The following MANBA variants were observed in gnomAD, a reference collection of about 807,000 sequenced individuals.
MANBA encodes the protein mannosidase beta, also known as beta-mannosidase.
In MANBA, 83 loss-of-function variants were observed where a neutral mutation model predicts 111.1. The ratio of observed to expected loss-of-function variants is 0.75; its 90% confidence interval spans 0.63 to 0.90. The LOEUF (loss-of-function observed/expected upper bound fraction) is 0.90. Among genes scored for constraint, MANBA ranks in the 40% least tolerant of loss-of-function variants. MANBA has a pLI of 0.00. For missense variants in MANBA, 1,036 were observed against 1,069.0 expected (o/e 0.97, Z 0.43); for synonymous variants, 370 against 378.7 (o/e 0.98, Z 0.27).
chr4:102,741,558 G>C (rs889741487), intron 1 of MANBA, among the ~76,000 whole-genome samples: 1 of 152,148 alleles, frequency 6.6e-6, no homozygotes, highest in African/African-American at 2.4e-5. Context: ...CAACCAACAA[G>C]TAGATTTTTT....
chr4:102,747,158 G>GATATATATATATATAT (rs144093849), intron 1 of MANBA, among the ~76,000 whole-genome samples: 2 of 145,474 alleles, frequency 1.4e-5, no homozygotes, highest in African/African-American at 5.3e-5. Flanking sequence ...GAACTAATGG[G>GATATATATATATATAT]ATATATATAT....
intron 5 of MANBA, among the ~76,000 whole-genome samples, chr4:102,712,258 T>G (rs1196813729): frequency 6.6e-6 from 1 of 152,228 alleles, no homozygotes; most frequent in Admixed American, 6.5e-5. Context: ...AGGAACTGTT[T>G]ACACTGAATC....
intron 7 of MANBA, among the ~76,000 whole-genome samples, chr4:102,677,573 T>C (rs1731782129): frequency 6.6e-6 from 1 of 152,076 alleles, no homozygotes; most frequent in East Asian, 1.9e-4. Context: ...GAACAAAAAG[T>C]TTAAGAAACT....
At chr4:102,653,216 ACATG>A (rs1730413840) in intron 12 of MANBA, among the ~76,000 whole-genome samples, 1 of 139,082 alleles carries the variant, frequency 7.2e-6, no homozygotes, top group African/African-American at 2.8e-5. Flanking sequence ...ATGCAGATCT[ACATG>A]CACACACACA....
intron 5 of MANBA, among the ~76,000 whole-genome samples, chr4:102,701,533 G>T (rs1398200650): frequency 1.3e-5 from 2 of 151,940 alleles, no homozygotes; most frequent in Admixed American, 6.6e-5. Context: ...CTTCCTTCAG[G>T]AGCTCTTTTA....
chr4:102,687,451 T>A (rs1732268254), intron 7 of MANBA, among the ~76,000 whole-genome samples: 1 of 152,182 alleles, frequency 6.6e-6, no homozygotes, highest in Non-Finnish European at 1.5e-5. Context: ...CTGCAGGACT[T>A]TGTCCTAGCT....
intron 4 of MANBA, among the ~76,000 whole-genome samples, chr4:102,716,742 T>C (rs1163684664): frequency 6.6e-6 from 1 of 152,180 alleles, no homozygotes; most frequent in African/African-American, 2.4e-5. Flanking sequence ...GGGTCATACA[T>C]TTTATGGGGG....
At chr4:102,718,871 A>G (rs920651906) in intron 4 of MANBA, among the ~76,000 whole-genome samples, 3 of 152,180 alleles carry the variant, frequency 2.0e-5, no homozygotes, top group South Asian at 2.1e-4. Context: ...GCAAGTTTTT[A>G]TTAGGGATTT....
chr4:102,673,910 A>G lies in MANBA; in HGVS notation c.1112+9T>C, dbSNP rs528890323. 9.3e-6 allele frequency: 15 copies of G among 1,605,106 alleles called. No individual in the cohort carries two copies. The South Asian group carries it at 1.2e-4, about 13-fold the overall frequency. Reference sequence around the variant, plus strand: ...AAAGAAGAACAAGAAAAGAAAGACAATAACTTACAACTCAGAGGTTACTCG... The same window carrying G: ...AAAGAAGAACAAGAAAAGAAAGACAGTAACTTACAACTCAGAGGTTACTCG... On this transcript the variant is annotated intron_variant, in intron 8 of 16. Coordinates refer to ENST00000647097, the MANE Select transcript of MANBA (RefSeq NM_005908.4).
At chr4:102,700,049 C>T (rs1428855441) in intron 5 of MANBA, among the ~76,000 whole-genome samples, 1 of 150,518 alleles carries the variant, frequency 6.6e-6, no homozygotes, top group African/African-American at 2.4e-5. Context: ...TGTTATTGGT[C>T]TATTCAGAGA....
At chr4:102,701,296 G>A (rs954579033) in intron 5 of MANBA, among the ~76,000 whole-genome samples, 11 of 151,822 alleles carry the variant, frequency 7.2e-5, no homozygotes, top group African/African-American at 2.2e-4. Flanking sequence ...ACACTGATGG[G>A]TCTTGACTCT....
intron 16 of MANBA, 59 bp from the exon 17 acceptor site, chr4:102,632,340 G>C (rs755150982): frequency 7.6e-6 from 10 of 1,308,038 alleles, no homozygotes; most frequent in Non-Finnish European, 1.1e-5. Flanking sequence ...TATATAGTCT[G>C]TATACAGTTC....
intron 1 of MANBA, among the ~76,000 whole-genome samples, chr4:102,742,982 T>C (rs1195786745): frequency 6.6e-6 from 1 of 152,206 alleles, no homozygotes; most frequent in Non-Finnish European, 1.5e-5. Context: ...AGTCCATGTG[T>C]AACCCCCATC....
intron 4 of MANBA, among the ~76,000 whole-genome samples, chr4:102,716,309 CAAAAA>C (rs56345161): frequency 1.0e-4 from 4 of 39,110 alleles, no homozygotes; most frequent in Admixed American, 6.5e-4. Context: ...AACTCAGTCT[CAAAAA>C]AAAAAAAAAA....
chr4:102,649,509 G>A (rs1245098040), intron 13 of MANBA, among the ~76,000 whole-genome samples: 1 of 152,130 alleles, frequency 6.6e-6, no homozygotes, highest in Non-Finnish European at 1.5e-5. Flanking sequence ...TTTACAACAA[G>A]ATTGGGCACA....
chr4:102,751,798 T>C, intron 1 of MANBA: 2 of 515,564 alleles, frequency 3.9e-6, no homozygotes, highest in South Asian at 1.5e-5. Flanking sequence ...AAGTCAATAA[T>C]GACAATTGTT....
At chr4:102,746,408 G>A (rs1008861474) in intron 1 of MANBA, among the ~76,000 whole-genome samples, 1 of 152,142 alleles carries the variant, frequency 6.6e-6, no homozygotes, top group Non-Finnish European at 1.5e-5. Flanking sequence ...TAATCTAGCA[G>A]GTGTGAGGCT....
At chr4:102,653,946 A>G (rs1730450344) in intron 12 of MANBA, among the ~76,000 whole-genome samples, 1 of 152,106 alleles carries the variant, frequency 6.6e-6, no homozygotes, top group African/African-American at 2.4e-5. Context: ...AAGCAAGAAT[A>G]TTTACTGAAT....
intron 9 of MANBA, among the ~76,000 whole-genome samples, chr4:102,670,084 G>A (rs1198314022): frequency 6.6e-6 from 1 of 150,936 alleles, no homozygotes; most frequent in African/African-American, 2.5e-5. Flanking sequence ...GAACCCAGGA[G>A]GTGAAGGCTG....
Sources: gnomAD v4.1 joint callset for allele counts (sites outside exome capture counted in the v4.1 genomes callset) on GRCh38, gnomAD v4.1.1 for gene constraint, MANE v1.5 for transcripts, NCBI Gene and HGNC (gene_info 2026-07-23, HGNC 2026-07-21) for gene names.